Variants in COQ4 observed in about 807,000 individuals in gnomAD.
COQ4 encodes ubiquinone biosynthesis protein COQ4 homolog, mitochondrial.
Under a neutral mutation model 30.2 loss-of-function variants are expected in COQ4, and 36 were observed. The observed-to-expected ratio is 1.19, with a 90% CI of 0.91 to 1.57. The LOEUF is 1.57. Ranked by LOEUF, COQ4 falls within the 40% of genes most tolerant of loss-of-function variation. COQ4 has a pLI of 0.00. For synonymous variants in COQ4, 197 were observed against 161.0 expected, an observed-to-expected ratio of 1.22 and a Z score of -1.69; for missense variants, 369 against 371.9, an observed-to-expected ratio of 0.99 and a Z score of 0.07.
At chr9:128,327,854 A>G (rs914131387) in intron 4 of COQ4, among the ~76,000 whole-genome samples, 6 of 152,240 alleles carry the variant, frequency 3.9e-5, no homozygotes, top group Admixed American at 3.3e-4. Context: ...GATACAGTGG[A>G]CAAAACCAGC....
chr9:128,333,434 C>G lies in COQ4; in HGVS notation c.627-40C>G, dbSNP rs1182221020. ...TGCCGAGCAGTCGAGTGCCTGGCCC[C>G]AGGGACTTGATGTTTTCTTTTTCCT... On this transcript the variant is annotated intron_variant, in intron 6 of 6. Transcript: ENST00000300452. The G allele has an allele frequency of 2.0e-6, 3 of 1,474,430 alleles. No homozygotes were observed. The South Asian group carries it at 4.4e-5, about 22-fold the overall frequency. The allele number at this position is 1,474,430 out of a possible 1,614,324, so 91.3% of individuals were successfully genotyped here.
intron 4 of COQ4, among the ~76,000 whole-genome samples, chr9:128,326,783 T>A (rs145783805): frequency 2.5e-4 from 38 of 151,982 alleles, no homozygotes; most frequent in African/African-American, 8.9e-4. Flanking sequence ...AGGGTCCCGC[T>A]CTGCCACCCA....
intron 5 of COQ4, 152 bp downstream of exon 5, chr9:128,332,434 C>A: frequency 1.2e-6 from 1 of 812,838 alleles, no homozygotes; most frequent in Non-Finnish European, 1.9e-6. Context: ...TGCCACATGT[C>A]CCCCTTCTTT....
intron 2 of COQ4, among the ~76,000 whole-genome samples, chr9:128,324,336 G>T (rs976338603): frequency 6.6e-6 from 1 of 151,982 alleles, no homozygotes; most frequent in Non-Finnish European, 1.5e-5. Context: ...CGTTGCCCAG[G>T]CTGCTCTGGA....
Position 128,332,191 on chromosome 9 carries a change from GGAT to G in COQ4, c.447_449del (p.Asp149del). On this transcript the variant is annotated inframe_deletion, in exon 5 of 7. Transcript: ENST00000300452. ...ACACCCGAGCACCCACCCGCTTCGTGGATGATGAGGAGCTAGCGTATGTGATTC... is the reference window on the plus strand; with the variant it reads ...ACACCCGAGCACCCACCCGCTTCGTGGATGAGGAGCTAGCGTATGTGATTC... 1 of 1,603,402 alleles carries G rather than the reference GGAT, an allele frequency of 6.2e-7. No homozygotes were observed. Among genetic ancestry groups the G allele is most frequent in the Non-Finnish European group, 8.5e-7 (1 of 1,175,190 alleles).
intron 4 of COQ4, among the ~76,000 whole-genome samples, chr9:128,327,927 A>G (rs1832348782): frequency 1.3e-5 from 2 of 152,274 alleles, no homozygotes; most frequent in African/African-American, 4.8e-5. Context: ...TTAGTGTGAT[A>G]GAAGACAGCT....
At position 128,332,184 on chromosome 9, in the gene COQ4, G is replaced by A. The variant is rs762170679; in HGVS notation, c.434G>A (p.Arg145His). 14 of 1,594,156 alleles carry A rather than the reference G, an allele frequency of 8.8e-6. No individual in the cohort carries two copies. Among genetic ancestry groups the A allele is most frequent in the Middle Eastern group, 1.7e-4 (1 of 6,032 alleles). ...TCCCCAGACACCCGAGCACCCACCC[G>A]CTTCGTGGATGATGAGGAGCTAGCG... The part of the protein sequence containing the change: ...RVSPDTRAPT[R>H]FVDDEELAYV... Residue 145 changes from arginine (R) to histidine (H), a missense_variant, in exon 5 of 7, where the codon CGC (arginine) becomes CAC (histidine). Transcript: ENST00000300452.
intron 4 of COQ4, among the ~76,000 whole-genome samples, chr9:128,327,559 G>C (rs900205687): frequency 5.9e-5 from 9 of 152,138 alleles, no homozygotes; most frequent in African/African-American, 1.4e-4. Flanking sequence ...TAATACTTTG[G>C]GGGGCTGAAG....
chr9:128,328,727 T>C (rs756496828), intron 4 of COQ4, among the ~76,000 whole-genome samples: 2 of 152,126 alleles, frequency 1.3e-5, no homozygotes, highest in Admixed American at 1.3e-4. Flanking sequence ...TTTTAAACCA[T>C]CTCTCTCAGA....
At chr9:128,323,848 G>C (rs1029211873) in intron 2 of COQ4, among the ~76,000 whole-genome samples, 2 of 152,208 alleles carry the variant, frequency 1.3e-5, no homozygotes, top group Non-Finnish European at 2.9e-5. Flanking sequence ...CCCAGGCTGA[G>C]GTGGAAGGAC....
rs7850697 is a variant in COQ4, at chr9:128,332,833, A to C, written c.533-17A>C. On this transcript the variant is annotated splice_polypyrimidine_tract_variant and intron_variant, in intron 5 of 6. Transcript: ENST00000300452. Reference sequence around the variant, plus strand: ...TCAGATAGCTTGTTCACCTCCCAACACATCCCTCACCCACAGGGGAGATCG... The same window carrying C: ...TCAGATAGCTTGTTCACCTCCCAACCCATCCCTCACCCACAGGGGAGATCG... The C allele has an allele frequency of 0.21, 342,014 of 1,598,934 alleles. 47,636 individuals are homozygous for C. Among genetic ancestry groups the C allele is most frequent in the African/African-American group, 0.7 (52,432 of 74,598 alleles).
At chr9:128,332,803 T>C in intron 5 of COQ4, 47 bp from the exon 6 acceptor site, 1 of 1,404,560 alleles carries the variant, frequency 7.1e-7, no homozygotes, top group Non-Finnish European at 1.0e-6. Context: ...CCACTGGCCT[T>C]TCCTTCAGAT....
At chr9:128,333,133 A>G (rs1202977735) in intron 6 of COQ4, among the ~76,000 whole-genome samples, 190 bp downstream of exon 6, 1 of 152,116 alleles carries the variant, frequency 6.6e-6, no homozygotes, top group African/African-American at 2.4e-5. Flanking sequence ...TCTTCAAGTG[A>G]GCAAATAAAG....
In COQ4 at chr9:128,326,274, C is replaced by G. The variant is rs111483204; in HGVS notation, c.402+393C>G. On this transcript the variant is annotated intron_variant, in intron 4 of 6. Coordinates refer to ENST00000300452, the MANE Select transcript of COQ4 (RefSeq NM_016035.5). ...ATGGAGATAGTAATCAATCCCAGATCATGCTCTTCACTGCTGTACTGTATC... is the reference window on the plus strand; with the variant it reads ...ATGGAGATAGTAATCAATCCCAGATGATGCTCTTCACTGCTGTACTGTATC... The G allele has an allele frequency of 7.7e-4, 275 of 355,404 alleles. 2 individuals carry two copies. Among genetic ancestry groups the G allele is most frequent in the African/African-American group, 5.2e-3 (242 of 46,944 alleles). 22.0% of individuals were successfully genotyped at this position (355,404 alleles called of 1,614,324 possible).
chr9:128,323,461 A>C, intron 2 of COQ4: 1 of 464,330 alleles, frequency 2.2e-6, no homozygotes, highest in Non-Finnish European at 3.7e-6. Context: ...ATAATATCCT[A>C]CTAGAAAGTC....
In COQ4 at chr9:128,332,900, T is replaced by G. The variant is rs747215203; in HGVS notation, c.583T>G (p.Cys195Gly). Reference protein sequence around the residue: ...FEAVQTGLPMCILGAFFGPIR... With the variant: ...FEAVQTGLPMGILGAFFGPIR... The stretch of plus-strand genomic sequence containing the variant: ...GGCTGTCCAGACTGGCCTGCCCATG[T>G]GCATCCTGGGTGCATTCTTTGGACC... The change falls in exon 6 of 7, where the codon TGC (cysteine) becomes GGC (glycine). Residue 195 changes from cysteine to glycine, a missense_variant. Physicochemically the swap from Cys to Gly is radical, Grantham distance 159. Coordinates refer to ENST00000300452, the MANE Select transcript of COQ4 (RefSeq NM_016035.5). 6.2e-7 allele frequency: 1 copy of G among 1,614,196 alleles called. No homozygotes were observed. The highest frequency in any genetic ancestry group is 8.5e-7 in the Non-Finnish European group (1 of 1,180,018).
chr9:128,333,189 G>C (rs1413178665), intron 6 of COQ4, among the ~76,000 whole-genome samples: 2 of 152,168 alleles, frequency 1.3e-5, no homozygotes, highest in Non-Finnish European at 2.9e-5. Context: ...CCAGGCCTAA[G>C]TGCATGGTCA....
rs56010678 is a variant in COQ4, at chr9:128,323,924, G to C, written c.202+777G>C. Among the ~76,000 whole-genome samples, 636 of 152,204 alleles carry C rather than the reference G, an allele frequency of 4.2e-3. 5 individuals are homozygous for C. Among genetic ancestry groups the C allele is most frequent in the African/African-American group, 0.015 (615 of 41,524 alleles). On this transcript the variant is annotated intron_variant, in intron 2 of 6. Coordinates refer to ENST00000300452, the MANE Select transcript of COQ4 (RefSeq NM_016035.5). Reference sequence around the variant, plus strand: ...TGCGCCATTGCACTCCAGCCTGGGCGACAGAGCGAGACCCTGTCTTAAACA... The same window carrying C: ...TGCGCCATTGCACTCCAGCCTGGGCCACAGAGCGAGACCCTGTCTTAAACA...
chr9:128,323,361 T>G, intron 2 of COQ4: 1 of 575,982 alleles, frequency 1.7e-6, no homozygotes, highest in Non-Finnish European at 3.0e-6. Flanking sequence ...AAACCGAAAG[T>G]CTGTCTTTAA....
Sources: gnomAD v4.1 joint callset for allele counts (sites outside exome capture counted in the v4.1 genomes callset) on GRCh38, gnomAD v4.1.1 for gene constraint, MANE v1.5 for transcripts, NCBI Gene and HGNC (gene_info 2026-07-23, HGNC 2026-07-21) for gene names.